Variants in LIMK2 observed in about 807,000 individuals in gnomAD.
LIMK2 encodes LIM domain kinase 2.
In LIMK2, 35 loss-of-function variants were observed where a neutral mutation model predicts 75.7. That is an observed-to-expected ratio of 0.46 (90% CI 0.35 to 0.61). LIMK2 has a LOEUF of 0.61. LIMK2 is among the 20% of genes least tolerant of loss of function. The pLI is 0.00. For synonymous variants in LIMK2, 301 were observed against 319.2 expected (o/e 0.94, Z 0.61); for missense variants, 623 against 831.0 (o/e 0.75, Z 3.08).
At chr22:31,269,654 G>T (rs1373388249) in intron 11 of LIMK2, among the ~76,000 whole-genome samples, 6 of 151,890 alleles carry the variant, frequency 4.0e-5, no homozygotes, top group African/African-American at 9.7e-5. Flanking sequence ...CACGCCTGTA[G>T]TCCCAGCTAC....
chr22:31,248,893 C>T (rs1229156307), intron 2 of LIMK2: 12 of 1,023,170 alleles, frequency 1.2e-5, no homozygotes, highest in East Asian at 2.4e-5. Flanking sequence ...CAGAAGCCAG[C>T]GGAGGTTATA....
intron 11 of LIMK2, among the ~76,000 whole-genome samples, chr22:31,269,107 T>G (rs1394820644): frequency 7.9e-5 from 12 of 151,936 alleles, no homozygotes; most frequent in Admixed American, 4.6e-4. Context: ...AGGAGGTTTT[T>G]TTGTTGTTGT....
At chr22:31,253,039 G>T (rs1247271325) in intron 2 of LIMK2, among the ~76,000 whole-genome samples, 1 of 152,224 alleles carries the variant, frequency 6.6e-6, no homozygotes, top group African/African-American at 2.4e-5. Flanking sequence ...AGGGTTCCAT[G>T]CACTTTGTAT....
At position 31,258,370 on chromosome 22, in the gene LIMK2, G is replaced by T. The variant is rs1345334233; in HGVS notation, c.196G>T (p.Gly66Trp). Reference protein sequence around the residue: ...GKLYCPKDYWGKFGEFCHGCS... With the variant: ...GKLYCPKDYWWKFGEFCHGCS... ...GCTCTACTGCCCCAAGGACTACTGG[G>T]GGAAGTTTGGGGAGTTCTGTCATGG... Residue 66 changes from glycine to tryptophan, a missense_variant, in exon 3 of 16, where the codon GGG (glycine) becomes TGG (tryptophan). By Grantham distance (184) the Gly-to-Trp change is radical (BLOSUM62 -2). Transcript: ENST00000331728. 2 of 1,614,090 alleles carry T rather than the reference G, an allele frequency of 1.2e-6. No individual in the cohort carries two copies. Among genetic ancestry groups the T allele is most frequent in the Non-Finnish European group, 1.7e-6 (2 of 1,179,994 alleles).
intron 2 of LIMK2, among the ~76,000 whole-genome samples, chr22:31,246,117 G>GC (rs1252255824): frequency 6.6e-6 from 1 of 151,206 alleles, no homozygotes; most frequent in Non-Finnish European, 1.5e-5. Flanking sequence ...AGGTTGCAGT[G>GC]AGCCAAGATC....
Position 31,258,429 on chromosome 22 carries a change from G to A in LIMK2, c.252+3G>A. On this transcript the variant is annotated splice_donor_region_variant and intron_variant, in intron 3 of 15. Transcript: ENST00000331728. ...TGCTGATGACAGGGCCTTTTATGGT[G>A]AGTGAATCCCTTCATATCTGCCCCT... 6.2e-7 allele frequency: 1 copy of A among 1,614,062 alleles called. No homozygotes were observed. The highest frequency in any genetic ancestry group is 2.2e-5 in the East Asian group (1 of 44,878).
At chr22:31,245,452 CCA>C (rs1226149447) in intron 2 of LIMK2, among the ~76,000 whole-genome samples, 1 of 152,176 alleles carries the variant, frequency 6.6e-6, no homozygotes, top group Non-Finnish European at 1.5e-5. Flanking sequence ...CAGGCATGTG[CCA>C]CCACGCCTGG....
chr22:31,272,582 A>T lies in LIMK2; in HGVS notation c.1436A>T (p.Glu479Val). 2 of 1,613,884 alleles carry T rather than the reference A, an allele frequency of 1.2e-6. No homozygotes were observed. The highest frequency in any genetic ancestry group is 1.7e-6 in the Non-Finnish European group (2 of 1,179,954). ...GGGCTGTCACGGCTCATAGTGGAAG[A>T]GAGGAAAAGGGCCCCCATGGAGAAG... ...DFGLSRLIVE[E>V]RKRAPMEKAT... is the part of the protein sequence containing the mutation. Residue 479 changes from glutamate (E) to valine (V), a missense_variant, in exon 13 of 16, where the codon GAG becomes GTG. By Grantham distance (121) the Glu-to-Val change is moderately radical (BLOSUM62 -2). Coordinates refer to ENST00000331728, the MANE Select transcript of LIMK2 (RefSeq NM_005569.4).
At chr22:31,242,363 C>T (rs1007930870) in intron 2 of LIMK2, among the ~76,000 whole-genome samples, 30 of 152,164 alleles carry the variant, frequency 2.0e-4, no homozygotes, top group Non-Finnish European at 3.8e-4. Context: ...TGTTTTTCCT[C>T]CTTTTTGAAA....
rs1315263623 is a variant in LIMK2 at position 31,265,810 on chromosome 22, GCCCCTGTT to G, written c.855-131_855-124del. On this transcript the variant is annotated intron_variant, in intron 7 of 15. Coordinates refer to ENST00000331728, the MANE Select transcript of LIMK2 (RefSeq NM_005569.4). ...CCAAAATGATACATCTGATGTAAGA[GCCCCTGTT>G]CCCCAATAATAACATCTAAACTATA... 4 of 661,904 alleles carry G rather than the reference GCCCCTGTT, an allele frequency of 6.0e-6. No individual in the cohort carries two copies. In the African/African-American group the frequency reaches 7.2e-5, roughly 12 times the overall value. The allele number at this position is 661,904 out of a possible 1,614,324, so 41.0% of individuals were successfully genotyped here.
chr22:31,254,297 C>T (rs1214482597), intron 2 of LIMK2, among the ~76,000 whole-genome samples: 2 of 152,226 alleles, frequency 1.3e-5, no homozygotes, highest in East Asian at 1.9e-4. Context: ...ATTGCAAGGG[C>T]GTAACAGAGC....
At chr22:31,228,713 G>A (rs2048499814) in intron 2 of LIMK2, among the ~76,000 whole-genome samples, 1 of 152,096 alleles carries the variant, frequency 6.6e-6, no homozygotes, top group South Asian at 2.1e-4. Context: ...CAGAAGGATC[G>A]CTTGAGCCCA....
intron 15 of LIMK2, among the ~76,000 whole-genome samples, 184 bp from the exon 16 acceptor site, chr22:31,278,113 A>C (rs1009985078): frequency 2.6e-5 from 4 of 152,078 alleles, no homozygotes; most frequent in Non-Finnish European, 4.4e-5. Flanking sequence ...AGTGTTACCT[A>C]ATCTTTATAG....
In LIMK2 at chr22:31,265,987, C is replaced by A; in HGVS notation, c.896C>A (p.Pro299Gln). ...SISKSPGPSSPKEPLLFSRDI... is the reference protein window; with the variant it reads ...SISKSPGPSSQKEPLLFSRDI... ...TCCAAGTCCCCTGGCCCCAGCTCCCCAAAGGAGCCCCTGCTGTTCAGCCGT... is the reference window on the plus strand; with the variant it reads ...TCCAAGTCCCCTGGCCCCAGCTCCCAAAAGGAGCCCCTGCTGTTCAGCCGT... Residue 299 changes from proline to glutamine, a missense_variant, in exon 8 of 16, where the codon CCA becomes CAA. Physicochemically the swap from Pro to Gln is moderately conservative, Grantham distance 76. Transcript: ENST00000331728. 1 of 1,614,142 alleles carries A rather than the reference C, an allele frequency of 6.2e-7. No individual in the cohort carries two copies. Among genetic ancestry groups the A allele is most frequent in the Non-Finnish European group, 8.5e-7 (1 of 1,180,006 alleles).
In LIMK2 at chr22:31,265,963, C is replaced by G. The variant is rs981186393; in HGVS notation, c.872C>G (p.Ser291Cys). The G allele has an allele frequency of 6.2e-7, 1 of 1,614,034 alleles. No individual in the cohort carries two copies. Among genetic ancestry groups the G allele is most frequent in the Non-Finnish European group, 8.5e-7 (1 of 1,180,032 alleles). ...RRSLRRSNSI[S>C]KSPGPSSPKE... ...ATCTTCAGGCGCAGTAACAGTATCT[C>G]CAAGTCCCCTGGCCCCAGCTCCCCA... The change falls in exon 8 of 16, where the codon TCC becomes TGC. Residue 291 changes from serine to cysteine, a missense_variant. Ser to Cys is a moderately radical substitution (Grantham distance 112). Transcript: ENST00000331728.
At chr22:31,240,946 G>C (rs896870510) in intron 2 of LIMK2, among the ~76,000 whole-genome samples, 4 of 152,178 alleles carry the variant, frequency 2.6e-5, no homozygotes, top group African/African-American at 9.7e-5. Flanking sequence ...TTTCTCGTTT[G>C]TAACAAGGTA....
intron 1 of LIMK2, among the ~76,000 whole-genome samples, chr22:31,213,051 C>A (rs374322509): frequency 8.5e-5 from 13 of 152,200 alleles, no homozygotes; most frequent in African/African-American, 2.9e-4. Flanking sequence ...AAGGAGAGAT[C>A]GGACCATTCT....
intron 13 of LIMK2, 141 bp downstream of exon 13, chr22:31,272,845 G>A (rs933483148): frequency 1.4e-6 from 2 of 1,411,208 alleles, no homozygotes; most frequent in African/African-American, 2.9e-5. Context: ...CCCTTGCCAG[G>A]TGGGGCCTCA....
Position 31,262,953 on chromosome 22 carries a change from C to G in LIMK2, c.854+162C>G, listed in dbSNP as rs1433562819. ...CTGCCCCTGTGGGGATCACAGTTTA[C>G]AGCCAGAGCCTGTGCGGACCCAGCT... On this transcript the variant is annotated intron_variant, in intron 7 of 15. Transcript: ENST00000331728. This position sits in a 1 kb window ranked among gnomAD's most constrained non-coding sequence, Gnocchi z 5.0. Among the ~76,000 whole-genome samples, 1 of 152,210 alleles carries G rather than the reference C, an allele frequency of 6.6e-6. No homozygotes were observed. The highest frequency in any genetic ancestry group is 1.9e-4 in the East Asian group (1 of 5,184).
Sources: gnomAD v4.1 joint callset for allele counts (sites outside exome capture counted in the v4.1 genomes callset) on GRCh38, gnomAD v4.1.1 for gene constraint, Gnocchi (gnomAD v3.1) non-coding constraint, MANE v1.5 for transcripts, NCBI Gene and HGNC (gene_info 2026-07-23, HGNC 2026-07-21) for gene names.